Variants in ITGB3BP observed in about 807,000 individuals in gnomAD.
ITGB3BP encodes integrin subunit beta 3 binding protein, also known as centromere protein R.
Under a neutral mutation model 29.1 loss-of-function variants are expected in ITGB3BP, and 27 were observed. The observed-to-expected ratio is 0.93, with a 90% CI of 0.68 to 1.28. The LOEUF is 1.28. ITGB3BP is among the 50% of genes most tolerant of loss of function. The pLI, the probability that ITGB3BP is intolerant of heterozygous loss-of-function variation, is 0.00. For missense variants in ITGB3BP, 192 were observed against 200.2 expected, an observed-to-expected ratio of 0.96 and a Z score of 0.25; for synonymous variants, 61 against 61.4, an observed-to-expected ratio of 0.99 and a Z score of 0.03.
chr1:63,499,525 T>C (rs1645873532), intron 2 of ITGB3BP, among the ~76,000 whole-genome samples: 1 of 152,190 alleles, frequency 6.6e-6, no homozygotes, highest in Admixed American at 6.5e-5. Context: ...ACTTCCTAAT[T>C]CTTTGAAGCC....
intron 1 of ITGB3BP, among the ~76,000 whole-genome samples, chr1:63,517,945 A>T (rs1442275810): frequency 6.6e-6 from 1 of 152,060 alleles, no homozygotes; most frequent in African/African-American, 2.4e-5. Context: ...CTAATCTTGA[A>T]CTACTGGGCT....
At chr1:63,526,105 C>T (rs551683384), upstream of ITGB3BP, among the ~76,000 whole-genome samples, 1 of 152,204 alleles carries the variant, frequency 6.6e-6, no homozygotes, top group South Asian at 2.1e-4. Flanking sequence ...TTGACCCATA[C>T]TGAGGAAAGT....
chr1:63,501,107 C>CATGTGG (rs1056159884), intron 2 of ITGB3BP, among the ~76,000 whole-genome samples: 2 of 152,058 alleles, frequency 1.3e-5, no homozygotes, highest in African/African-American at 4.8e-5. Flanking sequence ...CATTTTTTTA[C>CATGTGG]ATGTGGATAT....
intron 3 of ITGB3BP, among the ~76,000 whole-genome samples, chr1:63,481,222 A>G (rs1440832251): frequency 1.3e-5 from 2 of 152,114 alleles, no homozygotes; most frequent in East Asian, 1.9e-4. Flanking sequence ...AGAACTAGTC[A>G]AATATCTCAC....
chr1:63,507,351 C>T (rs1646103208), intron 2 of ITGB3BP, among the ~76,000 whole-genome samples: 1 of 152,140 alleles, frequency 6.6e-6, no homozygotes, highest in Non-Finnish European at 1.5e-5. Flanking sequence ...TACCTTGACA[C>T]ATCTTCATCT....
chr1:63,521,104 A>T (rs1273674218), intron 1 of ITGB3BP, among the ~76,000 whole-genome samples: 1 of 152,138 alleles, frequency 6.6e-6, no homozygotes, highest in Non-Finnish European at 1.5e-5. Flanking sequence ...AAGATAGATC[A>T]CACCCTCCCG....
upstream of ITGB3BP, among the ~76,000 whole-genome samples, chr1:63,524,535 G>A (rs937645231): frequency 3.3e-4 from 50 of 152,200 alleles, 1 homozygote; most frequent in Non-Finnish European, 2.6e-4. Flanking sequence ...AATGCAATGA[G>A]TCCTGAAGGG....
At chr1:63,502,267 C>A (rs974801437) in intron 2 of ITGB3BP, among the ~76,000 whole-genome samples, 3 of 152,198 alleles carry the variant, frequency 2.0e-5, no homozygotes, top group Non-Finnish European at 4.4e-5. Context: ...CACCTCCTTA[C>A]AACACCCAAC....
Position 63,454,716 on chromosome 1 carries a change from A to C in ITGB3BP, c.333+174T>G, listed in dbSNP as rs566878157. On this transcript the variant is annotated intron_variant, in intron 5 of 8. Coordinates refer to ENST00000271002, the MANE Select transcript of ITGB3BP (RefSeq NM_014288.5). The surrounding 1 kb of genome is among the most constrained non-coding windows in gnomAD (Gnocchi z 4.1). ...TTTATGTTTAAATGTGAAAAGCAAGATATTACTAAAATATTATGGTTAAAT... is the reference window on the plus strand; with the variant it reads ...TTTATGTTTAAATGTGAAAAGCAAGCTATTACTAAAATATTATGGTTAAAT... 2.6e-5 allele frequency among the ~76,000 whole-genome samples: 4 copies of C among 152,268 alleles called. No homozygotes were observed. In the South Asian group the frequency reaches 6.2e-4, roughly 24 times the overall value.
At position 63,468,358 on chromosome 1, in the gene ITGB3BP, T is replaced by A. The variant is rs114422853; in HGVS notation, c.254+10406A>T. Among the ~76,000 whole-genome samples, 671 of 152,246 alleles carry A rather than the reference T, an allele frequency of 4.4e-3. 5 individuals are homozygous for A. The highest frequency in any genetic ancestry group is 0.015 in the African/African-American group (617 of 41,558). ...TAACGAGTGATTTAAAGAATGTTAA[T>A]CCCAGCAGGAAGAGATGCTGGGCAG... On this transcript the variant is annotated intron_variant, in intron 4 of 8. Coordinates refer to ENST00000271002, the MANE Select transcript of ITGB3BP (RefSeq NM_014288.5).
At chr1:63,446,700 C>G in intron 8 of ITGB3BP, 106 bp downstream of exon 8, 2 of 811,232 alleles carry the variant, frequency 2.5e-6, no homozygotes, top group Non-Finnish European at 4.2e-6. Flanking sequence ...TATTTTCTTA[C>G]AGGAAGACAA....
At chr1:63,444,601 A>AATATATATCTCCTATTACATATAGGAG (rs1557603950) in intron 8 of ITGB3BP, among the ~76,000 whole-genome samples, 6 of 109,760 alleles carry the variant, frequency 5.5e-5, no homozygotes, top group African/African-American at 1.5e-4. Context: ...CTCCTATTAC[A>AATATATATCTCCTATTACATATAGGAG]ATATATATAT....
intron 3 of ITGB3BP, among the ~76,000 whole-genome samples, chr1:63,487,287 G>T (rs1002642897): frequency 6.6e-6 from 1 of 151,992 alleles, no homozygotes; most frequent in African/African-American, 2.4e-5. Flanking sequence ...CATGTAAGTG[G>T]ACCTGTGCAG....
intron 8 of ITGB3BP, among the ~76,000 whole-genome samples, chr1:63,445,430 A>G (rs1644779122): frequency 6.6e-6 from 1 of 152,218 alleles, no homozygotes; most frequent in Non-Finnish European, 1.5e-5. Flanking sequence ...ACAATTTTCT[A>G]TATAAGATGC....
At chr1:63,525,702 T>C, upstream of ITGB3BP, 2 of 1,589,560 alleles carry the variant, frequency 1.3e-6, no homozygotes, top group Non-Finnish European at 1.7e-6. Flanking sequence ...AGCTGCCTAC[T>C]TAACTGTCTT....
At chr1:63,515,169 T>C (rs993576965) in intron 1 of ITGB3BP, among the ~76,000 whole-genome samples, 1 of 152,184 alleles carries the variant, frequency 6.6e-6, no homozygotes, top group Non-Finnish European at 1.5e-5. Context: ...CTAAAATGTA[T>C]CTCAAATTAA....
In ITGB3BP at chr1:63,508,438, A is replaced by G. The variant is rs1570309210; in HGVS notation, c.48+90T>C. The G allele has an allele frequency of 6.2e-6, 4 of 644,222 alleles. No individual in the cohort carries two copies. In the East Asian group the frequency reaches 1.2e-4, roughly 19 times the overall value. The allele number at this position is 644,222 out of a possible 1,614,324, so 39.9% of individuals were successfully genotyped here. On this transcript the variant is annotated intron_variant, in intron 2 of 8. Transcript: ENST00000271002. ...CACTGTGATATAATTAAAATTATCA[A>G]GATAATTTTAATATTTAACGAGATA...
chr1:63,497,159 G>T (rs1645806769), intron 2 of ITGB3BP, among the ~76,000 whole-genome samples: 1 of 152,104 alleles, frequency 6.6e-6, no homozygotes, highest in South Asian at 2.1e-4. Context: ...AATTTTTCTA[G>T]CCAGGTGTGG....
intron 7 of ITGB3BP, among the ~76,000 whole-genome samples, chr1:63,448,329 T>TA (rs1557606125): frequency 6.9e-6 from 1 of 144,816 alleles, no homozygotes; most frequent in Non-Finnish European, 1.5e-5. Flanking sequence ...TAAAGTATAA[T>TA]AAAAAATAAA....
Sources: allele counts gnomAD v4.1 joint callset (sites outside exome capture counted in the v4.1 genomes callset), GRCh38; gene constraint gnomAD v4.1.1; non-coding constraint Gnocchi (gnomAD v3.1); transcripts MANE v1.5; gene names NCBI Gene and HGNC (gene_info 2026-07-23, HGNC 2026-07-21).